ATRNL1: variants seen among roughly 807,000 people sequenced by gnomAD.
The protein encoded by ATRNL1 is attractin like 1.
Under a neutral mutation model 182.7 loss-of-function variants are expected in ATRNL1, and 95 were observed. That is an observed-to-expected ratio of 0.52 (90% CI 0.44 to 0.62). The LOEUF (loss-of-function observed/expected upper bound fraction) is 0.62. ATRNL1 is among the 20% of genes least tolerant of loss of function. The pLI is 0.00. For missense variants in ATRNL1, 1,471 were observed against 1,679.5 expected (o/e 0.88, Z 2.17); for synonymous variants, 576 against 568.3 (o/e 1.01, Z -0.19).
At chr10:115,922,056 G>A (rs1953081906) in intron 28 of ATRNL1, among the ~76,000 whole-genome samples, 1 of 152,156 alleles carries the variant, frequency 6.6e-6, no homozygotes, top group African/African-American at 2.4e-5. Flanking sequence ...TCGTCACCCA[G>A]GGCTGTAGGT....
intron 10 of ATRNL1, among the ~76,000 whole-genome samples, chr10:115,252,537 T>C (rs949676483): frequency 6.6e-6 from 1 of 152,314 alleles, no homozygotes; most frequent in Non-Finnish European, 1.5e-5. Flanking sequence ...ATCTGTCTTT[T>C]AGGAAGGTAG....
intron 28 of ATRNL1, among the ~76,000 whole-genome samples, chr10:115,885,846 A>G (rs1441756460): frequency 8.5e-5 from 13 of 152,172 alleles, no homozygotes; most frequent in African/African-American, 3.1e-4. Context: ...GTTTTGATGG[A>G]CGTTTAGGCT....
At chr10:115,655,292 A>G (rs1463228489) in intron 26 of ATRNL1, among the ~76,000 whole-genome samples, 1 of 152,244 alleles carries the variant, frequency 6.6e-6, no homozygotes, top group Non-Finnish European at 1.5e-5. Context: ...AGGAAATTTA[A>G]CATAGTTTAG....
chr10:115,557,160 A>G (rs1016396168), intron 26 of ATRNL1, among the ~76,000 whole-genome samples: 16 of 152,168 alleles, frequency 1.1e-4, no homozygotes, highest in African/African-American at 3.6e-4. Flanking sequence ...GTTCACTCCA[A>G]GTAAAATTGG....
intron 24 of ATRNL1, among the ~76,000 whole-genome samples, chr10:115,479,985 G>T (rs1280950044): frequency 1.3e-5 from 2 of 151,202 alleles, no homozygotes; most frequent in Non-Finnish European, 3.0e-5. Flanking sequence ...ATATCAATCT[G>T]CAAAGTGATG....
chr10:115,162,405 A>T (rs1421285266), intron 6 of ATRNL1, among the ~76,000 whole-genome samples: 1 of 151,956 alleles, frequency 6.6e-6, no homozygotes, highest in Non-Finnish European at 1.5e-5. Context: ...CAGATCAAAG[A>T]CTTAAGATAG....
rs1845461129 is a variant in ATRNL1, at chr10:115,417,726, C to A, written c.3270-8524C>A. Among the ~76,000 whole-genome samples the A allele has an allele frequency of 2.0e-5, 3 of 152,150 alleles. No individual in the cohort carries two copies. The South Asian group carries it at 6.2e-4, about 31-fold the overall frequency. On this transcript the variant is annotated intron_variant, in intron 20 of 28. Transcript: ENST00000355044. Reference sequence around the variant, plus strand: ...TGGGATAGTCTTCTGGGCTAGGTTTCCTGGCCAGCTTTCCCACACAGCCCA... The same window carrying A: ...TGGGATAGTCTTCTGGGCTAGGTTTACTGGCCAGCTTTCCCACACAGCCCA...
chr10:115,838,656 C>T (rs1349804994), intron 27 of ATRNL1, among the ~76,000 whole-genome samples: 1 of 152,106 alleles, frequency 6.6e-6, no homozygotes, highest in Admixed American at 6.6e-5. Flanking sequence ...ATTTGCAGCT[C>T]TATGTGTCTT....
chr10:115,702,908 T>G (rs1555051948), intron 26 of ATRNL1, among the ~76,000 whole-genome samples: 1 of 151,796 alleles, frequency 6.6e-6, no homozygotes, highest in Non-Finnish European at 1.5e-5. Context: ...TTCACAGAAT[T>G]AGAAAAAGCT....
At chr10:115,156,129 G>C (rs1359855675) in intron 5 of ATRNL1, among the ~76,000 whole-genome samples, 4 of 152,124 alleles carry the variant, frequency 2.6e-5, no homozygotes, top group Non-Finnish European at 5.9e-5. Context: ...GGGACAGCAA[G>C]ACTGATAACG....
In ATRNL1 at chr10:115,541,908, A is replaced by G. The variant is rs371610134; in HGVS notation, c.3717-7550A>G. Among the ~76,000 whole-genome samples, 40 of 152,312 alleles carry G rather than the reference A, an allele frequency of 2.6e-4. 1 individual carries two copies. In the South Asian group the frequency reaches 8.1e-3, roughly 31 times the overall value. ...TCTTTGTGATAATTTATTGAGCTAT[A>G]TACTTAGGGTTTCTCTATTGTGTTA... is the stretch of plus-strand genomic sequence containing the variant. On this transcript the variant is annotated intron_variant, in intron 25 of 28. Transcript: ENST00000355044.
intron 27 of ATRNL1, among the ~76,000 whole-genome samples, chr10:115,833,076 G>A (rs1444388792): frequency 6.6e-6 from 1 of 152,046 alleles, no homozygotes; most frequent in Non-Finnish European, 1.5e-5. Flanking sequence ...AAGAATGTAT[G>A]GTGTTCATTT....
rs141198440 is a variant in ATRNL1, at chr10:115,944,407, A to G, written c.4019-251A>G. On this transcript the variant is annotated intron_variant, in intron 28 of 28. Transcript: ENST00000355044. ...ACAACTAAATGTGATCATTTGTCAA[A>G]CACTGATTTGATTGTTCCAAGTCAG... 1.3e-3 allele frequency among the ~76,000 whole-genome samples: 192 copies of G among 152,216 alleles called. 1 individual carries two copies. Among genetic ancestry groups the G allele is most frequent in the African/African-American group, 4.4e-3 (183 of 41,526 alleles).
chr10:115,843,801 T>A (rs1204299423), intron 27 of ATRNL1, among the ~76,000 whole-genome samples: 1 of 152,082 alleles, frequency 6.6e-6, no homozygotes, highest in Non-Finnish European at 1.5e-5. Context: ...CCCACTACTT[T>A]TTATTGTCTT....
chr10:115,229,346 A>C lies in ATRNL1; in HGVS notation c.1533-12225A>C, dbSNP rs547459619. Among the ~76,000 whole-genome samples, 92 of 152,188 alleles carry C rather than the reference A, an allele frequency of 6.0e-4. No homozygotes were observed. In the South Asian group the frequency reaches 0.017, roughly 27 times the overall value. ...AAATTTCCTGTCCGAGGTTTTGGAA[A>C]GCGATAGAGGTTAATTTTATAAATT... is the stretch of plus-strand genomic sequence containing the variant. On this transcript the variant is annotated intron_variant, in intron 9 of 28. Transcript: ENST00000355044.
chr10:115,440,560 C>T (rs1459724850), intron 21 of ATRNL1, among the ~76,000 whole-genome samples: 1 of 151,854 alleles, frequency 6.6e-6, no homozygotes, highest in African/African-American at 2.4e-5. Context: ...TACTTGTTTT[C>T]TCATTTTCAC....
chr10:115,738,214 C>T (rs189802884), intron 27 of ATRNL1, among the ~76,000 whole-genome samples: 1 of 129,304 alleles, frequency 7.7e-6, no homozygotes, highest in Admixed American at 9.6e-5. Flanking sequence ...TCTCGGCTCA[C>T]TGCAACCTCT....
intron 24 of ATRNL1, among the ~76,000 whole-genome samples, chr10:115,495,580 G>A (rs35594709): frequency 0.42 from 63,891 of 151,868 alleles, 14,188 homozygotes; most frequent in Middle Eastern, 0.5. Flanking sequence ...TGATTACCCC[G>A]AAGTCATTCA....
chr10:115,147,149 C>A (rs1263377757), intron 5 of ATRNL1, among the ~76,000 whole-genome samples: 1 of 152,010 alleles, frequency 6.6e-6, no homozygotes, highest in African/African-American at 2.4e-5. Flanking sequence ...TATTTTTAGT[C>A]TTTTTAATAA....
Sources: allele counts gnomAD v4.1 joint callset (sites outside exome capture counted in the v4.1 genomes callset), GRCh38; gene constraint gnomAD v4.1.1; transcripts MANE v1.5; gene names NCBI Gene and HGNC (gene_info 2026-07-23, HGNC 2026-07-21).